Variants in BACH2 observed in about 807,000 individuals in gnomAD.
The protein encoded by BACH2 is transcription regulator protein BACH2.
BACH2 carries 5 observed loss-of-function variants against 61.8 expected under a neutral mutation model. The ratio of observed to expected loss-of-function variants is 0.08; its 90% confidence interval spans 0.04 to 0.17. The LOEUF (loss-of-function observed/expected upper bound fraction) is 0.17, where lower values mean the gene tolerates loss of function less well. BACH2 is among the 10% of genes least tolerant of loss of function. The probability of loss-of-function intolerance (pLI) is 1.00; values close to 1 mark genes in which losing one functional copy is unlikely to be tolerated. For missense variants in BACH2, 824 were observed against 1,091.1 expected (o/e 0.76, Z 3.45); for synonymous variants, 446 against 440.1 (o/e 1.01, Z -0.17).
At chr6:90,017,552 G>A (rs569648620) in intron 5 of BACH2, among the ~76,000 whole-genome samples, 10 of 151,968 alleles carry the variant, frequency 6.6e-5, no homozygotes, top group Non-Finnish European at 1.0e-4. Flanking sequence ...CTAACCCTTC[G>A]AGTTCACTAA....
chr6:90,246,382 A>G (rs1342811782), intron 3 of BACH2, among the ~76,000 whole-genome samples: 2 of 152,340 alleles, frequency 1.3e-5, no homozygotes, highest in African/African-American at 4.8e-5. Context: ...TGAAAACAAT[A>G]TTCTCCAACT....
chr6:90,050,389 G>A (rs1228616155), intron 5 of BACH2, among the ~76,000 whole-genome samples: 1 of 152,070 alleles, frequency 6.6e-6, no homozygotes, highest in Non-Finnish European at 1.5e-5. Flanking sequence ...TAATATCGAA[G>A]AAGAACACCC....
chr6:90,027,591 G>A (rs1414509270), intron 5 of BACH2, among the ~76,000 whole-genome samples: 1 of 152,186 alleles, frequency 6.6e-6, no homozygotes. Context: ...TGGCCAGGTG[G>A]TACCGGAGAG....
At chr6:90,192,095 A>G (rs1390151885) in intron 4 of BACH2, among the ~76,000 whole-genome samples, 5 of 152,250 alleles carry the variant, frequency 3.3e-5, no homozygotes, top group Admixed American at 3.3e-4. Flanking sequence ...TAACAGAACA[A>G]TAAGACAGCA....
intron 3 of BACH2, among the ~76,000 whole-genome samples, chr6:90,242,916 G>T (rs898726556): frequency 6.6e-6 from 1 of 151,476 alleles, no homozygotes; most frequent in African/African-American, 2.4e-5. Flanking sequence ...TTTAGCTCTT[G>T]TTGCCCAGAC....
chr6:90,007,686 CT>C (rs1393720075), intron 6 of BACH2, among the ~76,000 whole-genome samples: 1 of 152,144 alleles, frequency 6.6e-6, no homozygotes, highest in African/African-American at 2.4e-5. Flanking sequence ...CTGTGAAGAG[CT>C]GCTTAGTCAA....
chr6:89,995,937 A>G (rs2127776637), intron 6 of BACH2, among the ~76,000 whole-genome samples: 1 of 152,358 alleles, frequency 6.6e-6, no homozygotes, highest in Admixed American at 6.5e-5. Context: ...AGATAAACTT[A>G]ACACCAGCAA....
chr6:90,178,042 C>G (rs1469125152), intron 4 of BACH2, among the ~76,000 whole-genome samples: 2 of 152,116 alleles, frequency 1.3e-5, no homozygotes, highest in African/African-American at 4.8e-5. Flanking sequence ...TAGCAGGGAA[C>G]CAGGATGAAG....
intron 5 of BACH2, among the ~76,000 whole-genome samples, chr6:90,057,808 G>T (rs1338243583): frequency 6.6e-6 from 1 of 152,182 alleles, no homozygotes; most frequent in Non-Finnish European, 1.5e-5. Context: ...TGGGATGCAA[G>T]GCTGGTTCAA....
intron 5 of BACH2, among the ~76,000 whole-genome samples, chr6:90,018,978 G>A (rs774382473): frequency 2.6e-5 from 4 of 151,950 alleles, no homozygotes; most frequent in Non-Finnish European, 2.9e-5. Context: ...TCATTTTCGT[G>A]GAATGTTTTC....
At chr6:90,021,291 C>CA (rs1778357544) in intron 5 of BACH2, among the ~76,000 whole-genome samples, 1 of 95,002 alleles carries the variant, frequency 1.1e-5, no homozygotes, top group African/African-American at 4.3e-5. Flanking sequence ...AAGTATAAAG[C>CA]AAAAAAGTAA....
chr6:90,044,738 T>C (rs1779701851), intron 5 of BACH2, among the ~76,000 whole-genome samples: 1 of 152,092 alleles, frequency 6.6e-6, no homozygotes, highest in East Asian at 1.9e-4. Flanking sequence ...GGATTGGATG[T>C]GGGGTGAGAG....
At chr6:89,978,577 T>A (rs1459603196) in intron 6 of BACH2, among the ~76,000 whole-genome samples, 1 of 142,794 alleles carries the variant, frequency 7.0e-6, no homozygotes, top group Non-Finnish European at 1.5e-5. Flanking sequence ...CTGTTTGCCA[T>A]CAGCTGGGGT....
intron 2 of BACH2, among the ~76,000 whole-genome samples, chr6:90,271,474 T>C (rs1328195266): frequency 1.3e-5 from 2 of 152,018 alleles, no homozygotes; most frequent in Admixed American, 6.5e-5. Context: ...CAAGTATTGA[T>C]TGCAGTTTTA....
chr6:89,978,667 ACAG>A (rs1433154498), intron 6 of BACH2, among the ~76,000 whole-genome samples: 2 of 151,576 alleles, frequency 1.3e-5, no homozygotes, highest in Non-Finnish European at 2.9e-5. Context: ...AGCAAAATAA[ACAG>A]CAGAACATTA....
At position 89,938,132 on chromosome 6, in the gene BACH2, G is replaced by A. The variant is rs1376247462; in HGVS notation, c.2043+12C>T. 6.2e-7 allele frequency: 1 copy of A among 1,609,820 alleles called. No homozygotes were observed. Among genetic ancestry groups the A allele is most frequent in the African/African-American group, 1.3e-5 (1 of 74,876 alleles). On this transcript the variant is annotated intron_variant, in intron 8 of 8. Transcript: ENST00000257749. Reference sequence around the variant, plus strand: ...CTTCAGGTTGCTGATCACAATGGATGGGTCAACTCACCAATTTGCGGATTT... The same window carrying A: ...CTTCAGGTTGCTGATCACAATGGATAGGTCAACTCACCAATTTGCGGATTT...
intron 1 of BACH2, among the ~76,000 whole-genome samples, chr6:90,276,601 A>G (rs604912): frequency 0.68 from 104,106 of 152,140 alleles, 37,157 homozygotes; most frequent in African/African-American, 0.9. Flanking sequence ...TCTTTTGCCT[A>G]CAGATTACGC....
intron 4 of BACH2, among the ~76,000 whole-genome samples, chr6:90,159,866 C>T (rs879683158): frequency 6.6e-6 from 1 of 152,126 alleles, no homozygotes; most frequent in Non-Finnish European, 1.5e-5. Context: ...ATATTTGTGA[C>T]TTTTACCCTA....
intron 6 of BACH2, among the ~76,000 whole-genome samples, chr6:89,974,669 C>G (rs1180032467): frequency 6.6e-6 from 1 of 152,168 alleles, no homozygotes; most frequent in African/African-American, 2.4e-5. Context: ...CACCTTCTGG[C>G]CTCGCTAATA....
Sources: allele counts gnomAD v4.1 joint callset (sites outside exome capture counted in the v4.1 genomes callset), GRCh38; gene constraint gnomAD v4.1.1; transcripts MANE v1.5; gene names NCBI Gene and HGNC (gene_info 2026-07-23, HGNC 2026-07-21).